Variants in LHX8 observed in about 807,000 individuals in gnomAD.
LHX8 encodes the protein LIM homeobox 8, also known as LIM/homeobox protein Lhx8.
A neutral mutation model predicts 40.3 loss-of-function variants in LHX8; 12 were observed. That is an observed-to-expected ratio of 0.30 (90% CI 0.19 to 0.48). The LOEUF (loss-of-function observed/expected upper bound fraction) is 0.48. LHX8 is among the 20% of genes least tolerant of loss of function. The pLI, the probability that LHX8 is intolerant of heterozygous loss-of-function variation, is 0.99. For missense variants in LHX8, 344 were observed against 433.7 expected (o/e 0.79, Z 1.84); for synonymous variants, 179 against 162.0 (o/e 1.10, Z -0.80).
chr1:75,191,812 A>G, the LHX8 span, among the ~76,000 whole-genome samples: 1 of 152,254 alleles, frequency 6.6e-6, no homozygotes, highest in South Asian at 2.1e-4. Flanking sequence ...TGTTAGATCA[A>G]AATTGCACAA....
the LHX8 span, among the ~76,000 whole-genome samples, chr1:75,192,774 C>T: frequency 1.3e-5 from 2 of 151,710 alleles, no homozygotes; most frequent in Non-Finnish European, 2.9e-5. Context: ...CTCACTGCAG[C>T]CTCCGTCTCC....
the LHX8 span, among the ~76,000 whole-genome samples, chr1:75,195,652 A>C: frequency 2.0e-5 from 3 of 151,774 alleles, no homozygotes; most frequent in African/African-American, 7.3e-5. Flanking sequence ...GACCTAATCT[A>C]TCTCCCCAGC....
chr1:75,133,481 A>T (rs1476304357), upstream of LHX8, among the ~76,000 whole-genome samples: 1 of 152,152 alleles, frequency 6.6e-6, no homozygotes, highest in African/African-American at 2.4e-5. Flanking sequence ...TTAAAGCAAA[A>T]TCCTATGATT....
chr1:75,158,641 A>G (rs1199854140), intron 8 of LHX8, among the ~76,000 whole-genome samples: 2 of 152,146 alleles, frequency 1.3e-5, no homozygotes, highest in Non-Finnish European at 2.9e-5. Flanking sequence ...CTGTAGAGAC[A>G]TATTTGCCAT....
upstream of LHX8, chr1:75,130,801 G>C: frequency 6.7e-7 from 1 of 1,482,230 alleles, no homozygotes; most frequent in Non-Finnish European, 9.4e-7. Flanking sequence ...ATTTATAATG[G>C]TTACACGTGA....
chr1:75,165,842 G>A (rs951120586), downstream of LHX8, among the ~76,000 whole-genome samples: 3 of 152,184 alleles, frequency 2.0e-5, no homozygotes, highest in African/African-American at 4.8e-5. Context: ...TTATATACCT[G>A]TGGCAATTTA....
At chr1:75,163,129 TTAG>T (rs939197470), downstream of LHX8, among the ~76,000 whole-genome samples, 1 of 152,136 alleles carries the variant, frequency 6.6e-6, no homozygotes, top group African/African-American at 2.4e-5. Context: ...AAGGTAGTAT[TTAG>T]TAGTAGTTTT....
intron 3 of LHX8, among the ~76,000 whole-genome samples, 155 bp downstream of exon 3, chr1:75,137,416 A>G (rs6695423): frequency 0.22 from 32,976 of 152,078 alleles, 4,294 homozygotes; most frequent in Middle Eastern, 0.35. Context: ...AGGGCAACTC[A>G]TGCGGTGGGA....
downstream of LHX8, among the ~76,000 whole-genome samples, chr1:75,165,972 A>G (rs1406445932): frequency 2.6e-5 from 4 of 152,210 alleles, no homozygotes; most frequent in Non-Finnish European, 5.9e-5. Flanking sequence ...TTTCCTCAAC[A>G]GTAAAAGGAA....
intron 6 of LHX8, among the ~76,000 whole-genome samples, chr1:75,146,145 C>T (rs1005183383): frequency 3.3e-5 from 5 of 152,092 alleles, no homozygotes; most frequent in African/African-American, 1.2e-4. Context: ...TCAAACTCTC[C>T]TACATTTAGG....
the LHX8 span, among the ~76,000 whole-genome samples, chr1:75,193,596 A>G: frequency 9.5e-4 from 145 of 152,328 alleles, 1 homozygote; most frequent in Admixed American, 8.7e-3. Context: ...ATTCTAAACT[A>G]TGCTTCTTTT....
At chr1:75,168,806 A>G in the LHX8 span, among the ~76,000 whole-genome samples, 5 of 152,264 alleles carry the variant, frequency 3.3e-5, no homozygotes, top group South Asian at 1.0e-3. Flanking sequence ...AACCGTGGGC[A>G]TATCACTTAC....
intron 7 of LHX8, among the ~76,000 whole-genome samples, chr1:75,154,181 G>A (rs776378079): frequency 1.3e-5 from 2 of 152,276 alleles, no homozygotes; most frequent in Non-Finnish European, 1.5e-5. Context: ...TGATTCTGAA[G>A]CTGGGTAGCA....
chr1:75,145,803 A>G (rs540676257), intron 6 of LHX8, among the ~76,000 whole-genome samples: 1 of 152,298 alleles, frequency 6.6e-6, no homozygotes, highest in African/African-American at 2.4e-5. Context: ...ATGGTTAAAC[A>G]TGCATAAAAT....
At chr1:75,169,924 G>A in the LHX8 span, among the ~76,000 whole-genome samples, 2 of 152,196 alleles carry the variant, frequency 1.3e-5, no homozygotes, top group Non-Finnish European at 2.9e-5. Context: ...CACTTTTCAG[G>A]CTTCATGGTG....
chr1:75,136,462 C>T, intron 1 of LHX8, 141 bp from the exon 2 acceptor site: 1 of 524,648 alleles, frequency 1.9e-6, no homozygotes, highest in East Asian at 3.9e-5. Flanking sequence ...CGCCCGGGCT[C>T]AGGCGCCGTG....
upstream of LHX8, chr1:75,131,949 T>C (rs1647985624): frequency 6.6e-6 from 1 of 152,252 alleles, no homozygotes; most frequent in African/African-American, 2.4e-5. Context: ...CGATTGCTTT[T>C]CCACCTGTGG....
the LHX8 span, among the ~76,000 whole-genome samples, chr1:75,169,531 G>A: frequency 6.6e-6 from 1 of 152,138 alleles, no homozygotes; most frequent in Non-Finnish European, 1.5e-5. Flanking sequence ...AAGTGGAAAA[G>A]GGGCTCTAGA....
At chr1:75,141,220 T>C in intron 4 of LHX8, 114 bp downstream of exon 4, 3 of 1,117,466 alleles carry the variant, frequency 2.7e-6, no homozygotes, top group Non-Finnish European at 2.6e-6. Flanking sequence ...GTTTTTCTTA[T>C]TTAAGAGATT....
Sources: allele counts gnomAD v4.1 joint callset (sites outside exome capture counted in the v4.1 genomes callset), GRCh38; gene constraint gnomAD v4.1.1; transcripts MANE v1.5; gene names NCBI Gene and HGNC (gene_info 2026-07-23, HGNC 2026-07-21).